The following IKZF2 variants were observed in gnomAD, a reference collection of about 807,000 sequenced individuals.
IKZF2 encodes zinc finger protein Helios.
In IKZF2, 15 loss-of-function variants were observed where a neutral mutation model predicts 49.2. The ratio of observed to expected loss-of-function variants is 0.30; its 90% CI spans 0.20 to 0.47. The LOEUF is 0.47. Ranked by LOEUF, IKZF2 falls within the 20% of genes least tolerant of loss-of-function variation. IKZF2 has a pLI of 1.00. For synonymous variants in IKZF2, 227 were observed against 221.4 expected (o/e 1.03, Z -0.23); for missense variants, 567 against 664.6 (o/e 0.85, Z 1.61).
chr2:213,150,110 A>G, intron 2 of IKZF2, 34 bp downstream of exon 2: 1 of 1,212,716 alleles, frequency 8.2e-7, no homozygotes. Flanking sequence ...AGAAGGAAAA[A>G]GAAAAAGGAG....
At chr2:213,039,394 AGTT>A (rs1699391550) in intron 6 of IKZF2, among the ~76,000 whole-genome samples, 2 of 152,064 alleles carry the variant, frequency 1.3e-5, no homozygotes, top group East Asian at 1.9e-4. Flanking sequence ...GTTGGGAGGA[AGTT>A]GTTGTTTTAA....
intron 4 of IKZF2, among the ~76,000 whole-genome samples, chr2:213,113,957 A>G (rs563469814): frequency 3.9e-4 from 59 of 152,206 alleles, no homozygotes; most frequent in Non-Finnish European, 6.9e-4. Context: ...TCCCACTGCA[A>G]CTGCAATCCC....
Position 213,007,412 on chromosome 2 carries a change from T to C in IKZF2, c.1529A>G (p.Asp510Gly), listed in dbSNP as rs890874534. The C allele has an allele frequency of 1.6e-5, 26 of 1,613,370 alleles. No homozygotes were observed. The highest frequency in any genetic ancestry group is 2.2e-5 in the Non-Finnish European group (26 of 1,179,638). ...AATGTGTGATGAAAACTCATAACGGTCCTGGCTTCTGTAGCCACAGATGTT... is the reference window on the plus strand; with the variant it reads ...AATGTGTGATGAAAACTCATAACGGCCCTGGCTTCTGTAGCCACAGATGTT... Reference protein sequence around the residue: ...ECNICGYRSQDRYEFSSHIVR... With the variant: ...ECNICGYRSQGRYEFSSHIVR... Residue 510 changes from aspartate (D) to glycine (G), a missense_variant, in exon 9 of 9, where the codon GAC becomes GGC. Around this residue, in one of 5 missense-constraint regions of IKZF2, gnomAD observed 25 missense variants for 27.0 expected, o/e 0.93. Coordinates refer to ENST00000434687, the MANE Select transcript of IKZF2 (RefSeq NM_001387220.1).
At chr2:213,076,819 C>A (rs922802569) in intron 4 of IKZF2, among the ~76,000 whole-genome samples, 1 of 152,154 alleles carries the variant, frequency 6.6e-6, no homozygotes, top group African/African-American at 2.4e-5. Context: ...AGGAGAAGGG[C>A]GTGAACCCAG....
At chr2:213,109,255 A>G (rs1483975684) in intron 4 of IKZF2, among the ~76,000 whole-genome samples, 3 of 152,100 alleles carry the variant, frequency 2.0e-5, no homozygotes, top group Non-Finnish European at 4.4e-5. Context: ...AAATTATAGC[A>G]GTGAAAATTT....
At chr2:213,083,377 G>A (rs903460792) in intron 4 of IKZF2, among the ~76,000 whole-genome samples, 18 of 143,400 alleles carry the variant, frequency 1.3e-4, no homozygotes, top group African/African-American at 2.7e-4. Flanking sequence ...CTCATAGGAC[G>A]GCGAACCTTT....
At chr2:213,038,310 C>T (rs907845449) in intron 6 of IKZF2, among the ~76,000 whole-genome samples, 4 of 152,152 alleles carry the variant, frequency 2.6e-5, no homozygotes, top group African/African-American at 4.8e-5. Context: ...CTGCCCGTCT[C>T]GGCCTCCCAA....
chr2:213,021,212 C>CA (rs1697171269), intron 7 of IKZF2, among the ~76,000 whole-genome samples: 1 of 147,560 alleles, frequency 6.8e-6, no homozygotes, highest in South Asian at 2.2e-4. Context: ...GAGTCCATCT[C>CA]AAAAAAAATA....
At chr2:213,070,154 C>T (rs978902197) in intron 4 of IKZF2, among the ~76,000 whole-genome samples, 1 of 152,062 alleles carries the variant, frequency 6.6e-6, no homozygotes, top group African/African-American at 2.4e-5. Flanking sequence ...AAACTTCCAG[C>T]TGACACAAGA....
At chr2:213,097,599 C>T (rs1198133799) in intron 4 of IKZF2, among the ~76,000 whole-genome samples, 1 of 152,020 alleles carries the variant, frequency 6.6e-6, no homozygotes, top group African/African-American at 2.4e-5. Context: ...CTATGACTTA[C>T]AAAATATAAT....
At position 213,017,757 on chromosome 2, in the gene IKZF2, T is replaced by C. The variant is rs532492730; in HGVS notation, c.713-3823A>G. Among the ~76,000 whole-genome samples the C allele has an allele frequency of 1.6e-3, 239 of 152,344 alleles. 1 individual carries two copies. The highest frequency in any genetic ancestry group is 3.4e-3 in the Middle Eastern group (1 of 294). Reference sequence around the variant, plus strand: ...GGGAAATTCCTCTTGGATGTTCTGCTGATTTAGGTATGTCCTCTCTGTCTC... The same window carrying C: ...GGGAAATTCCTCTTGGATGTTCTGCCGATTTAGGTATGTCCTCTCTGTCTC... On this transcript the variant is annotated intron_variant, in intron 7 of 8. Transcript: ENST00000434687.
intron 6 of IKZF2, among the ~76,000 whole-genome samples, chr2:213,041,021 G>A (rs541358461): frequency 5.3e-5 from 8 of 152,244 alleles, no homozygotes; most frequent in South Asian, 4.2e-4. Context: ...GGGAGGCTGA[G>A]GCGGGGGAAC....
At chr2:213,025,303 A>G (rs1266740085) in intron 6 of IKZF2, among the ~76,000 whole-genome samples, 3 of 152,122 alleles carry the variant, frequency 2.0e-5, no homozygotes, top group African/African-American at 7.2e-5. Context: ...GCTCATTTTT[A>G]TGAAACATCC....
rs71060409 is a variant in IKZF2, at chr2:213,128,823, T to TG, written c.139+18884dup. Among the ~76,000 whole-genome samples, 833 of 147,700 alleles carry TG rather than the reference T, an allele frequency of 5.6e-3. 9 individuals are homozygous for TG. The highest frequency in any genetic ancestry group is 6.3e-3 in the Non-Finnish European group (424 of 66,886). On this transcript the variant is annotated intron_variant, in intron 4 of 8. Transcript: ENST00000434687. ...TTTTTTCTTTTTTTTTTTTTTTTTTTGTATTTTTAGTAGAGACGGAGTTTC... is the reference window on the plus strand; with the variant it reads ...TTTTTTCTTTTTTTTTTTTTTTTTTTGGTATTTTTAGTAGAGACGGAGTTTC...
intron 4 of IKZF2, among the ~76,000 whole-genome samples, chr2:213,120,705 C>G (rs1159530526): frequency 6.6e-6 from 1 of 152,136 alleles, no homozygotes; most frequent in Non-Finnish European, 1.5e-5. Flanking sequence ...AGGCAGATGA[C>G]CTACAATTAG....
Position 213,006,151 on chromosome 2 carries a change from T to C in IKZF2, c.*1209A>G, listed in dbSNP as rs12622131. On this transcript the variant is annotated 3_prime_UTR_variant, in exon 9 of 9. Transcript: ENST00000434687. Reference sequence around the variant, plus strand: ...CCCTAGTTCTGTAACCTTACAGGGTTCAAGTTACCAGATTCAGGCCAAATT... The same window carrying C: ...CCCTAGTTCTGTAACCTTACAGGGTCCAAGTTACCAGATTCAGGCCAAATT... 68,553 of 151,850 alleles carry C rather than the reference T, an allele frequency of 0.45. 17,888 individuals are homozygous for C. The highest frequency in any genetic ancestry group is 0.68 in the East Asian group (3,512 of 5,136). The allele number at this position is 151,850 out of a possible 1,614,324, so 9.4% of individuals were successfully genotyped here.
chr2:213,142,251 G>C (rs2060900912), intron 4 of IKZF2, among the ~76,000 whole-genome samples: 1 of 151,632 alleles, frequency 6.6e-6, no homozygotes, highest in Non-Finnish European at 1.5e-5. Context: ...CTGACATATA[G>C]ACAAACTCTA....
rs1700387919 is a variant in IKZF2 at position 213,048,593 on chromosome 2, G to T, written c.574+1120C>A. On this transcript the variant is annotated intron_variant, in intron 6 of 8. Coordinates refer to ENST00000434687, the MANE Select transcript of IKZF2 (RefSeq NM_001387220.1). ...TTAAAATAAAACATAAAATGTTGTA[G>T]TTGGAAGTAAGTGAATTCCTTTAAC... is the stretch of plus-strand genomic sequence containing the variant. Among the ~76,000 whole-genome samples the T allele has an allele frequency of 2.0e-5, 3 of 152,038 alleles. No homozygotes were observed. In the South Asian group the frequency reaches 6.2e-4, roughly 31 times the overall value.
At chr2:213,150,321 T>G in intron 1 of IKZF2, 74 bp from the exon 2 acceptor site, 1 of 523,200 alleles carries the variant, frequency 1.9e-6, no homozygotes, top group Non-Finnish European at 3.4e-6. Context: ...CCTTGCCCCC[T>G]CCAAGCCAAG....
Sources: allele counts gnomAD v4.1 joint callset (sites outside exome capture counted in the v4.1 genomes callset), GRCh38; gene constraint gnomAD v4.1.1; regional missense constraint gnomAD v4.1.1; transcripts MANE v1.5; gene names NCBI Gene and HGNC (gene_info 2026-07-23, HGNC 2026-07-21).